The following VPS53 variants were observed in gnomAD, a reference collection of about 807,000 sequenced individuals.
VPS53 encodes the protein vacuolar protein sorting-associated protein 53 homolog.
In VPS53, 70 loss-of-function variants were observed where a neutral mutation model predicts 107.0. That is an observed-to-expected ratio of 0.65 (90% confidence interval 0.54 to 0.80). VPS53 has a LOEUF of 0.80. Ranked by LOEUF, VPS53 falls within the 30% of genes least tolerant of loss-of-function variation. The pLI is 0.00. For missense variants in VPS53, 917 were observed against 1,049.4 expected (o/e 0.87, Z 1.74); for synonymous variants, 409 against 393.3 (o/e 1.04, Z -0.47).
chr17:617,123 C>T (rs1417741059), intron 11 of VPS53, among the ~76,000 whole-genome samples: 1 of 152,216 alleles, frequency 6.6e-6, no homozygotes, highest in Admixed American at 6.5e-5. Context: ...TGTCCTGATG[C>T]TCTCCGGACC....
chr17:565,384 CA>C lies in VPS53; in HGVS notation c.1314-2640del, dbSNP rs370675319. On this transcript the variant is annotated intron_variant, in intron 13 of 21. Transcript: ENST00000437048. ...TACCATTGCACTACAGCCTGGGCAA[CA>C]AGAGCGAAACCCCATCTCAAAAAAA... is the stretch of plus-strand genomic sequence containing the variant. 7.7e-3 allele frequency among the ~76,000 whole-genome samples: 657 copies of C among 85,416 alleles called. 8 individuals are homozygous for C. Among genetic ancestry groups the C allele is most frequent in the African/African-American group, 0.029 (636 of 22,030 alleles). 56.0% of individuals were successfully genotyped at this position (85,416 alleles called of 152,430 possible).
rs192136355 is a variant in VPS53 at position 641,950 on chromosome 17, C to T, written c.609-10322G>A. 9.7e-4 allele frequency among the ~76,000 whole-genome samples: 148 copies of T among 152,324 alleles called. 1 individual carries two copies. Among genetic ancestry groups the T allele is most frequent in the African/African-American group, 3.3e-3 (138 of 41,580 alleles). ...CAGGTGGTTTCTGGCATCCTCCATGCCACGTGACTGCAGGGCTGTTCCAAG... is the reference window on the plus strand; with the variant it reads ...CAGGTGGTTTCTGGCATCCTCCATGTCACGTGACTGCAGGGCTGTTCCAAG... On this transcript the variant is annotated intron_variant, in intron 7 of 21. Transcript: ENST00000437048.
chr17:585,901 A>G (rs2143000323), intron 13 of VPS53, among the ~76,000 whole-genome samples: 1 of 152,314 alleles, frequency 6.6e-6, no homozygotes, highest in South Asian at 2.1e-4. Flanking sequence ...TTATTTCAAA[A>G]TAAAAGGATA....
chr17:633,382 T>G (rs989602341), intron 7 of VPS53, among the ~76,000 whole-genome samples: 1 of 152,140 alleles, frequency 6.6e-6, no homozygotes, highest in Non-Finnish European at 1.5e-5. Flanking sequence ...TAAAAATGCC[T>G]TAAAAGAGCA....
At chr17:565,423 A>G (rs8074952) in intron 13 of VPS53, among the ~76,000 whole-genome samples, 36,756 of 130,018 alleles carry the variant, frequency 0.28, 6,783 homozygotes, top group African/African-American at 0.53. Flanking sequence ...AAAAAAAAAA[A>G]AAAGAAAGAA....
At chr17:565,127 C>T (rs1340752816) in intron 13 of VPS53, among the ~76,000 whole-genome samples, 1 of 152,092 alleles carries the variant, frequency 6.6e-6, no homozygotes, top group Non-Finnish European at 1.5e-5. Context: ...ATAGGCCCAA[C>T]GTGGGGGCTC....
chr17:560,199 G>A (rs529729669), intron 15 of VPS53, among the ~76,000 whole-genome samples: 1 of 152,344 alleles, frequency 6.6e-6, no homozygotes, highest in East Asian at 1.9e-4. Flanking sequence ...CCAGGGAGGT[G>A]ACCAGTCATA....
intron 13 of VPS53, among the ~76,000 whole-genome samples, chr17:579,040 T>C (rs1966865376): frequency 6.8e-6 from 1 of 148,098 alleles, no homozygotes; most frequent in Non-Finnish European, 1.5e-5. Context: ...CAGGACCTAA[T>C]GCGGTCCCAG....
At chr17:686,189 G>T (rs990578204) in intron 4 of VPS53, among the ~76,000 whole-genome samples, 3 of 151,938 alleles carry the variant, frequency 2.0e-5, no homozygotes, top group African/African-American at 7.3e-5. Context: ...GCATAGTGGT[G>T]TGCACCTGTA....
At chr17:593,355 C>T (rs1276345877) in intron 12 of VPS53, among the ~76,000 whole-genome samples, 5 of 152,078 alleles carry the variant, frequency 3.3e-5, no homozygotes, top group African/African-American at 9.7e-5. Flanking sequence ...AAGAAACTAC[C>T]ATCAGAGTGA....
In VPS53 at chr17:602,626, G is replaced by A. The variant is rs145830602; in HGVS notation, c.1117-730C>T. 5.6e-4 allele frequency among the ~76,000 whole-genome samples: 85 copies of A among 152,326 alleles called. 1 individual carries two copies. In the South Asian group the frequency reaches 0.015, roughly 26 times the overall value. ...AGGCATGGTAGCTGTAGCTCCAACC[G>A]TGCGGCACTGGCCCTATCACCCAGC... is the stretch of plus-strand genomic sequence containing the variant. On this transcript the variant is annotated intron_variant, in intron 11 of 21. Coordinates refer to ENST00000437048, the MANE Select transcript of VPS53 (RefSeq NM_001128159.3).
At chr17:604,223 C>T (rs1968457577) in intron 11 of VPS53, among the ~76,000 whole-genome samples, 2 of 152,098 alleles carry the variant, frequency 1.3e-5, no homozygotes, top group East Asian at 1.9e-4. Flanking sequence ...GGACTGAGAA[C>T]GTTCCCGGGC....
chr17:698,353 A>C (rs1224665628), intron 3 of VPS53, among the ~76,000 whole-genome samples: 1 of 151,798 alleles, frequency 6.6e-6, no homozygotes, highest in Non-Finnish European at 1.5e-5. Context: ...GAATTGCTCG[A>C]ACCTGGGAGG....
At chr17:704,919 T>A (rs569740248) in intron 2 of VPS53, among the ~76,000 whole-genome samples, 1 of 152,316 alleles carries the variant, frequency 6.6e-6, no homozygotes, top group South Asian at 2.1e-4. Flanking sequence ...TCCAGCTAAT[T>A]CCTAAAATTC....
At chr17:707,767 G>T (rs568142999) in intron 2 of VPS53, among the ~76,000 whole-genome samples, 1 of 150,090 alleles carries the variant, frequency 6.7e-6, no homozygotes, top group East Asian at 2.0e-4. Flanking sequence ...TAGTGGGAGC[G>T]CTAGAGTTCG....
chr17:678,640 A>T (rs1972259072), intron 4 of VPS53, among the ~76,000 whole-genome samples: 1 of 141,788 alleles, frequency 7.1e-6, no homozygotes, highest in Non-Finnish European at 1.5e-5. Context: ...CTAAATATAT[A>T]TATATATATA....
intron 12 of VPS53, chr17:601,219 A>G (rs10521104): frequency 0.15 from 22,102 of 152,256 alleles, 1,955 homozygotes; most frequent in East Asian, 0.4. Flanking sequence ...AACCAAAAAC[A>G]CCATTCTGTA....
intron 4 of VPS53, 99 bp downstream of exon 4, chr17:697,319 C>T (rs549111595): frequency 7.0e-6 from 7 of 1,003,480 alleles, no homozygotes; most frequent in Non-Finnish European, 9.5e-6. Context: ...ACGGATCAAT[C>T]GGAAAGTGCT....
At chr17:576,205 G>T (rs1177261164) in intron 13 of VPS53, among the ~76,000 whole-genome samples, 1 of 149,522 alleles carries the variant, frequency 6.7e-6, no homozygotes, top group African/African-American at 2.5e-5. Context: ...AAACCTAAAT[G>T]GTTCCCAGAG....
Sources: allele counts gnomAD v4.1 joint callset (sites outside exome capture counted in the v4.1 genomes callset), GRCh38; gene constraint gnomAD v4.1.1; transcripts MANE v1.5; gene names NCBI Gene and HGNC (gene_info 2026-07-23, HGNC 2026-07-21).